GRID1: variants seen among roughly 807,000 people sequenced by gnomAD.
GRID1 encodes glutamate ionotropic receptor delta type subunit 1, also known as glutamate receptor ionotropic, delta-1.
GRID1 carries 28 observed loss-of-function variants against 98.0 expected under a neutral mutation model. The ratio of observed to expected loss-of-function variants is 0.29; its 90% CI spans 0.21 to 0.39. The LOEUF (loss-of-function observed/expected upper bound fraction) is 0.39, where lower values mean the gene tolerates loss of function less well. GRID1 is among the 10% of genes least tolerant of loss of function. The probability of loss-of-function intolerance (pLI) is 1.00; values close to 1 mark genes in which losing one functional copy is unlikely to be tolerated. For synonymous variants in GRID1, 553 were observed against 538.5 expected, an observed-to-expected ratio of 1.03 and a Z score of -0.37; for missense variants, 1,111 against 1,340.5, an observed-to-expected ratio of 0.83 and a Z score of 2.67.
intron 2 of GRID1, among the ~76,000 whole-genome samples, chr10:86,250,653 C>T (rs1846809309): frequency 6.6e-6 from 1 of 151,224 alleles, no homozygotes; most frequent in Non-Finnish European, 1.5e-5. Context: ...GGGGGGCAGC[C>T]CCCGCCTGGC....
intron 3 of GRID1, among the ~76,000 whole-genome samples, chr10:86,147,003 C>T (rs1281719069): frequency 3.9e-5 from 6 of 152,222 alleles, no homozygotes; most frequent in Non-Finnish European, 2.9e-5. Flanking sequence ...TGGAAGCAGG[C>T]CTCCCCCATC....
intron 15 of GRID1, chr10:85,612,885 G>T (rs1379245112): frequency 6.5e-6 from 1 of 152,790 alleles, no homozygotes; most frequent in Non-Finnish European, 1.5e-5. Flanking sequence ...CCCCCAGGCT[G>T]GGTGCACCCA....
intron 12 of GRID1, among the ~76,000 whole-genome samples, chr10:85,687,008 G>A (rs1381261683): frequency 6.6e-6 from 1 of 152,074 alleles, no homozygotes; most frequent in Non-Finnish European, 1.5e-5. Flanking sequence ...GTAATACTTA[G>A]GGAAATAGGA....
intron 4 of GRID1, among the ~76,000 whole-genome samples, chr10:85,944,873 T>A (rs554555332): frequency 1.5e-3 from 229 of 152,360 alleles, no homozygotes; most frequent in African/African-American, 5.4e-3. Context: ...ATTCCATTTT[T>A]TCTAAAATAA....
At chr10:85,792,400 C>T (rs554020430) in intron 8 of GRID1, among the ~76,000 whole-genome samples, 5 of 152,158 alleles carry the variant, frequency 3.3e-5, no homozygotes, top group South Asian at 2.1e-4. Context: ...GGAGCCCTGG[C>T]GAGGTGCCTT....
intron 15 of GRID1, among the ~76,000 whole-genome samples, chr10:85,611,160 CCTAT>C (rs1350356498): frequency 1.1e-4 from 17 of 152,288 alleles, no homozygotes; most frequent in Admixed American, 6.5e-4. Context: ...TTTCTGTCTT[CCTAT>C]CTATGTCTCT....
intron 5 of GRID1, among the ~76,000 whole-genome samples, chr10:85,892,533 T>A (rs1035611527): frequency 1.3e-5 from 2 of 151,760 alleles, no homozygotes; most frequent in Non-Finnish European, 2.9e-5. Flanking sequence ...GTGATACATC[T>A]TTTAAGTATG....
chr10:85,650,872 G>A (rs1843259150), intron 12 of GRID1, among the ~76,000 whole-genome samples: 1 of 152,198 alleles, frequency 6.6e-6, no homozygotes, highest in Non-Finnish European at 1.5e-5. Context: ...ATATGTAGGT[G>A]ATGGAATTTG....
chr10:85,727,652 G>A (rs1453086208), intron 10 of GRID1, among the ~76,000 whole-genome samples: 2 of 152,204 alleles, frequency 1.3e-5, no homozygotes, highest in Non-Finnish European at 2.9e-5. Context: ...AGGTAACATA[G>A]AGTGTCAGAG....
At chr10:86,286,611 G>C (rs928497499) in intron 2 of GRID1, among the ~76,000 whole-genome samples, 2 of 152,214 alleles carry the variant, frequency 1.3e-5, no homozygotes, top group Non-Finnish European at 2.9e-5. Context: ...CTTCTCAGTG[G>C]CTCAGCAAAT....
At chr10:86,024,365 G>A (rs547031070) in intron 4 of GRID1, among the ~76,000 whole-genome samples, 23 of 152,292 alleles carry the variant, frequency 1.5e-4, no homozygotes, top group African/African-American at 4.6e-4. Flanking sequence ...CAGCAATCAC[G>A]GTGTGTAGGA....
intron 8 of GRID1, among the ~76,000 whole-genome samples, chr10:85,738,354 A>T (rs1841907567): frequency 6.6e-6 from 1 of 152,240 alleles, no homozygotes; most frequent in Non-Finnish European, 1.5e-5. Flanking sequence ...AAACCTCACT[A>T]GAATGGCTAA....
chr10:85,898,093 T>A (rs781075359), intron 5 of GRID1, among the ~76,000 whole-genome samples: 1 of 152,204 alleles, frequency 6.6e-6, no homozygotes. Flanking sequence ...CTAGGCTATA[T>A]GGCATAGCCT....
At chr10:85,944,573 G>T (rs1185160739) in intron 4 of GRID1, among the ~76,000 whole-genome samples, 1 of 152,144 alleles carries the variant, frequency 6.6e-6, no homozygotes, top group African/African-American at 2.4e-5. Context: ...AGTAAAAAAT[G>T]TATAAGGATA....
chr10:86,142,317 G>T (rs1299429349), intron 3 of GRID1, among the ~76,000 whole-genome samples: 1 of 152,250 alleles, frequency 6.6e-6, no homozygotes, highest in Non-Finnish European at 1.5e-5. Flanking sequence ...CGAGGTCATT[G>T]GATGCATTGT....
At chr10:86,000,059 T>C (rs995324072) in intron 4 of GRID1, among the ~76,000 whole-genome samples, 1 of 152,170 alleles carries the variant, frequency 6.6e-6, no homozygotes, top group Admixed American at 6.5e-5. Flanking sequence ...CCAACAATAA[T>C]GTCTATATAG....
At chr10:86,155,721 C>T (rs11596971) in intron 3 of GRID1, among the ~76,000 whole-genome samples, 10,014 of 152,216 alleles carry the variant, frequency 0.066, 388 homozygotes, top group Middle Eastern at 0.18. Flanking sequence ...CAGCCCTAAA[C>T]GAGGGGACAG....
chr10:85,963,902 A>G (rs74493099), intron 4 of GRID1, among the ~76,000 whole-genome samples: 4,981 of 152,314 alleles, frequency 0.033, 266 homozygotes, highest in African/African-American at 0.11. Flanking sequence ...TCTAACTGAA[A>G]GAGGATTTAT....
chr10:86,308,477 C>A (rs1055045568), intron 2 of GRID1, among the ~76,000 whole-genome samples: 3 of 152,206 alleles, frequency 2.0e-5, no homozygotes, highest in Non-Finnish European at 4.4e-5. Context: ...AAACACCCAG[C>A]CTCAGAGTGA....
Sources: gnomAD v4.1 joint callset for allele counts (sites outside exome capture counted in the v4.1 genomes callset) on GRCh38, gnomAD v4.1.1 for gene constraint, MANE v1.5 for transcripts, NCBI Gene and HGNC (gene_info 2026-07-23, HGNC 2026-07-21) for gene names.